Variants in PIK3C3 observed in about 807,000 individuals in gnomAD.
PIK3C3 encodes the protein PI3-kinase type 3.
A neutral mutation model predicts 126.1 loss-of-function variants in PIK3C3; 95 were observed. The observed-to-expected ratio is 0.75, with a 90% CI of 0.64 to 0.89. The LOEUF (loss-of-function observed/expected upper bound fraction) is 0.89, where lower values mean the gene tolerates loss of function less well. PIK3C3 is among the 40% of genes least tolerant of loss of function. The pLI, the probability that PIK3C3 is intolerant of heterozygous loss-of-function variation, is 0.00. For missense variants in PIK3C3, 829 were observed against 1,063.2 expected (o/e 0.78, Z 3.06); for synonymous variants, 374 against 360.0 (o/e 1.04, Z -0.44).
chr18:41,977,015 T>C (rs956760458), intron 4 of PIK3C3, among the ~76,000 whole-genome samples: 21 of 152,184 alleles, frequency 1.4e-4, no homozygotes, highest in African/African-American at 5.1e-4. Flanking sequence ...GAAGAATGTA[T>C]TGTTCTTATT....
chr18:42,025,024 G>C (rs1310337101), intron 13 of PIK3C3, among the ~76,000 whole-genome samples: 1 of 151,702 alleles, frequency 6.6e-6, no homozygotes, highest in African/African-American at 2.4e-5. Context: ...GTGTTAGCCA[G>C]GATGGTCTCG....
intron 24 of PIK3C3, among the ~76,000 whole-genome samples, chr18:42,078,408 AAT>A (rs1491213586): frequency 1.1e-4 from 16 of 140,408 alleles, no homozygotes; most frequent in Admixed American, 8.7e-4. Context: ...AAAAAAAAAA[AAT>A]TTTCAGTAAA....
At chr18:42,052,033 G>A (rs1031105405) in intron 21 of PIK3C3, among the ~76,000 whole-genome samples, 1 of 151,734 alleles carries the variant, frequency 6.6e-6, no homozygotes, top group African/African-American at 2.4e-5. Context: ...GGAAAAAAAG[G>A]TAGTATTACA....
At chr18:42,054,202 T>TTATTAAG (rs1984958433) in intron 21 of PIK3C3, among the ~76,000 whole-genome samples, 1 of 110,262 alleles carries the variant, frequency 9.1e-6, no homozygotes, top group African/African-American at 3.7e-5. Context: ...AAAGGGGAAT[T>TTATTAAG]TATTAAGTAT....
chr18:42,084,580 CAAACCAAAAAA>C lies in PIK3C3; in HGVS notation c.*3447_*3457del, dbSNP rs1250123254. 10 of 32,378 alleles carry C rather than the reference CAAACCAAAAAA, an allele frequency of 3.1e-4. No individual in the cohort carries two copies. The highest frequency in any genetic ancestry group is 5.5e-4 in the Non-Finnish European group (9 of 16,266). The allele number at this position is 32,378 out of a possible 1,614,324, so 2.0% of individuals were successfully genotyped here. ...GAATATAGTATAGAGTAGCTAAAAACAAACCAAAAAAAAAAAAAAAAAAAAAGGAAAAACAG... is the reference window on the plus strand; with the variant it reads ...GAATATAGTATAGAGTAGCTAAAAACAAAAAAAAAAAAAAAGGAAAAACAG... On this transcript the variant is annotated 3_prime_UTR_variant, in exon 25 of 25. Transcript: ENST00000262039.
chr18:42,004,189 G>T (rs1409431699), intron 9 of PIK3C3, among the ~76,000 whole-genome samples, 167 bp from the exon 10 acceptor site: 2 of 152,102 alleles, frequency 1.3e-5, no homozygotes, highest in African/African-American at 4.8e-5. Context: ...TTTCTGTCCT[G>T]CAGTGCTTCT....
At chr18:42,068,949 CAA>C (rs35657662) in intron 24 of PIK3C3, among the ~76,000 whole-genome samples, 119 of 82,218 alleles carry the variant, frequency 1.4e-3, no homozygotes, top group African/African-American at 5.2e-3. Context: ...GACTCCGTCT[CAA>C]AAAAAAAAAA....
intron 6 of PIK3C3, among the ~76,000 whole-genome samples, chr18:41,992,515 G>C (rs1259852647): frequency 6.6e-6 from 1 of 152,112 alleles, no homozygotes; most frequent in African/African-American, 2.4e-5. Context: ...TAAATATACA[G>C]TCATGAGAAA....
intron 4 of PIK3C3, among the ~76,000 whole-genome samples, chr18:41,984,053 A>ATT (rs555682009): frequency 9.5e-5 from 14 of 147,414 alleles, no homozygotes; most frequent in African/African-American, 3.5e-4. Context: ...GAGAGAATGA[A>ATT]TTTTTTTTTT....
chr18:41,977,173 A>G (rs983612647), intron 4 of PIK3C3, among the ~76,000 whole-genome samples: 2 of 152,202 alleles, frequency 1.3e-5, no homozygotes, highest in African/African-American at 4.8e-5. Flanking sequence ...TTACATATCT[A>G]TGCTATGAAA....
intron 2 of PIK3C3, among the ~76,000 whole-genome samples, chr18:41,958,128 G>C (rs539843549): frequency 6.6e-6 from 1 of 152,148 alleles, no homozygotes; most frequent in Non-Finnish European, 1.5e-5. Flanking sequence ...TTGGAGCTCA[G>C]ATTTTTAGAG....
chr18:42,004,809 G>A (rs924188715), intron 10 of PIK3C3, among the ~76,000 whole-genome samples: 3 of 152,198 alleles, frequency 2.0e-5, no homozygotes, highest in Non-Finnish European at 4.4e-5. Flanking sequence ...TGGCAGCAGA[G>A]CTTGTATTGC....
At chr18:42,080,525 C>T (rs184682765) in intron 24 of PIK3C3, among the ~76,000 whole-genome samples, 138 of 152,238 alleles carry the variant, frequency 9.1e-4, no homozygotes, top group African/African-American at 3.2e-3. Flanking sequence ...AAAAAGGGCA[C>T]GAGTTATGGA....
intron 4 of PIK3C3, among the ~76,000 whole-genome samples, chr18:41,986,928 AAAG>A (rs758411428): frequency 1.3e-5 from 2 of 152,060 alleles, no homozygotes; most frequent in Non-Finnish European, 2.9e-5. Flanking sequence ...TGAGGAAGAG[AAAG>A]AAGATTGATA....
rs55821466 is a variant in PIK3C3, at chr18:42,040,156, C to CTTTTTT, written c.2039-507_2039-502dup. 2.7e-4 allele frequency among the ~76,000 whole-genome samples: 30 copies of CTTTTTT among 110,498 alleles called. 1 individual carries two copies. The highest frequency in any genetic ancestry group is 5.4e-4 in the African/African-American group (14 of 26,032). 72.5% of individuals were successfully genotyped at this position (110,498 alleles called of 152,430 possible). On this transcript the variant is annotated intron_variant, in intron 18 of 24. Transcript: ENST00000262039. ...TTCCACATACTGTCTGTCCCCTTTC[C>CTTTTTT]TTTTTTTTTTTTTTTTTTTGGTAGT...
intron 4 of PIK3C3, among the ~76,000 whole-genome samples, chr18:41,973,655 A>G (rs1980777034): frequency 6.6e-6 from 1 of 152,050 alleles, no homozygotes; most frequent in Admixed American, 6.6e-5. Flanking sequence ...TTCTGATGAC[A>G]CATTTTAAAA....
intron 12 of PIK3C3, 118 bp downstream of exon 12, chr18:42,015,684 AACTT>A: frequency 1.4e-6 from 1 of 717,038 alleles, no homozygotes; most frequent in East Asian, 2.7e-5. Context: ...TTTATTAAAT[AACTT>A]ACTTTATGAT....
chr18:42,065,567 A>T (rs1479281020), intron 23 of PIK3C3, among the ~76,000 whole-genome samples: 1 of 152,260 alleles, frequency 6.6e-6, no homozygotes, highest in Non-Finnish European at 1.5e-5. Context: ...CCACAGCTTC[A>T]CTGCCTGTGG....
At chr18:42,075,237 T>G (rs1985931250) in intron 24 of PIK3C3, among the ~76,000 whole-genome samples, 1 of 152,142 alleles carries the variant, frequency 6.6e-6, no homozygotes, top group African/African-American at 2.4e-5. Flanking sequence ...TGTAAAATAT[T>G]TCAGTGAACA....
Sources: allele counts gnomAD v4.1 joint callset (sites outside exome capture counted in the v4.1 genomes callset), GRCh38; gene constraint gnomAD v4.1.1; transcripts MANE v1.5; gene names NCBI Gene and HGNC (gene_info 2026-07-23, HGNC 2026-07-21).